LAMA2: variants seen among roughly 807,000 people sequenced by gnomAD.
LAMA2 encodes the protein laminin subunit alpha-2.
Under a neutral mutation model 364.8 loss-of-function variants are expected in LAMA2, and 269 were observed. The ratio of observed to expected loss-of-function variants is 0.74; its 90% CI spans 0.67 to 0.82. LAMA2 has a LOEUF of 0.82. Ranked by LOEUF, LAMA2 falls within the 40% of genes least tolerant of loss-of-function variation. The pLI, the probability that LAMA2 is intolerant of heterozygous loss-of-function variation, is 0.00. For missense variants in LAMA2, 3,807 were observed against 3,873.2 expected, an observed-to-expected ratio of 0.98 and a Z score of 0.45; for synonymous variants, 1,379 against 1,370.6, an observed-to-expected ratio of 1.01 and a Z score of -0.14.
intron 1 of LAMA2, among the ~76,000 whole-genome samples, chr6:128,996,975 A>G (rs751853788): frequency 3.2e-4 from 48 of 152,314 alleles, no homozygotes; most frequent in South Asian, 8.3e-4. Flanking sequence ...TGTCCTTTGC[A>G]GGGACATGGA....
At chr6:129,165,404 AAG>A (rs1779683918) in intron 8 of LAMA2, among the ~76,000 whole-genome samples, 170 bp from the exon 9 acceptor site, 1 of 152,176 alleles carries the variant, frequency 6.6e-6, no homozygotes, top group African/African-American at 2.4e-5. Context: ...AAGCATGTAA[AAG>A]AACTGGATTT....
chr6:129,104,601 T>G (rs1775715607), intron 4 of LAMA2, among the ~76,000 whole-genome samples: 1 of 152,228 alleles, frequency 6.6e-6, no homozygotes, highest in Non-Finnish European at 1.5e-5. Flanking sequence ...TTTCAGCCTC[T>G]GTATCCAAAC....
At chr6:129,374,744 A>ATT (rs33988321) in intron 34 of LAMA2, among the ~76,000 whole-genome samples, 3,092 of 137,300 alleles carry the variant, frequency 0.023, 93 homozygotes, top group African/African-American at 0.069. Flanking sequence ...TGCCCAGCTA[A>ATT]TTTTTTTTTT....
chr6:129,391,280 A>AC (rs1367770663), intron 35 of LAMA2, among the ~76,000 whole-genome samples: 3 of 151,756 alleles, frequency 2.0e-5, no homozygotes, highest in Non-Finnish European at 4.4e-5. Flanking sequence ...AATTGCTGTA[A>AC]CCCCCAAAAG....
At chr6:129,368,315 G>A (rs1777887431) in intron 33 of LAMA2, among the ~76,000 whole-genome samples, 1 of 152,196 alleles carries the variant, frequency 6.6e-6, no homozygotes, top group Non-Finnish European at 1.5e-5. Context: ...TGTGAGCAGA[G>A]GCAGTGGTGT....
At chr6:129,421,069 T>C (rs1781050169) in intron 40 of LAMA2, among the ~76,000 whole-genome samples, 1 of 152,182 alleles carries the variant, frequency 6.6e-6, no homozygotes, top group African/African-American at 2.4e-5. Flanking sequence ...GCAGTATGCT[T>C]TAGCAAGAGT....
chr6:129,395,238 T>A (rs1779546237), intron 37 of LAMA2, among the ~76,000 whole-genome samples: 1 of 152,204 alleles, frequency 6.6e-6, no homozygotes, highest in African/African-American at 2.4e-5. Flanking sequence ...AATAATAAGC[T>A]GCATTTTAAA....
At chr6:129,280,812 C>T (rs951479245) in intron 18 of LAMA2, among the ~76,000 whole-genome samples, 1 of 152,148 alleles carries the variant, frequency 6.6e-6, no homozygotes, top group Non-Finnish European at 1.5e-5. Context: ...CCCTTGACAT[C>T]ATTGCCAAAA....
intron 58 of LAMA2, among the ~76,000 whole-genome samples, chr6:129,498,012 C>CAAGT (rs2114874437): frequency 6.6e-6 from 1 of 152,184 alleles, no homozygotes; most frequent in East Asian, 1.9e-4. Context: ...GGCTGAACTT[C>CAAGT]AAGTATTACA....
intron 10 of LAMA2, among the ~76,000 whole-genome samples, chr6:129,181,262 A>G (rs1780907746): frequency 6.6e-6 from 1 of 152,162 alleles, no homozygotes; most frequent in Non-Finnish European, 1.5e-5. Flanking sequence ...ACACAAAAGG[A>G]AAATAACTAC....
chr6:129,409,679 C>T (rs879700556), intron 40 of LAMA2, among the ~76,000 whole-genome samples: 2 of 152,144 alleles, frequency 1.3e-5, no homozygotes, highest in Admixed American at 1.3e-4. Context: ...TAGAGGCTTC[C>T]ACCTCTAGGA....
chr6:129,039,259 A>T (rs1267277428), intron 1 of LAMA2, among the ~76,000 whole-genome samples: 1 of 152,240 alleles, frequency 6.6e-6, no homozygotes, highest in Non-Finnish European at 1.5e-5. Flanking sequence ...TATTTGAGCT[A>T]TGAAAGATGA....
intron 51 of LAMA2, among the ~76,000 whole-genome samples, chr6:129,466,950 C>A (rs1220434212): frequency 2.0e-5 from 3 of 151,754 alleles, no homozygotes; most frequent in Admixed American, 6.6e-5. Context: ...GTTTCTTTAG[C>A]AGCAGTTTGG....
At chr6:129,502,960 TG>T in intron 59 of LAMA2, 130 bp from the exon 60 acceptor site, 1 of 957,798 alleles carries the variant, frequency 1.0e-6, no homozygotes, top group East Asian at 2.5e-5. Context: ...ATCAGTAGCC[TG>T]ATAAAGTCCT....
chr6:129,017,006 A>G lies in LAMA2; in HGVS notation c.113-32912A>G, dbSNP rs6905693. ...ATTATGTTCAAATCGTATATACAGC[A>G]TATTTTTTATATATGTATCTAAAAT... On this transcript the variant is annotated intron_variant, in intron 1 of 64. Coordinates refer to ENST00000421865, the MANE Select transcript of LAMA2 (RefSeq NM_000426.4). Among the ~76,000 whole-genome samples the G allele has an allele frequency of 8.3e-3, 1,264 of 152,046 alleles. 27 individuals carry two copies. The highest frequency in any genetic ancestry group is 0.029 in the African/African-American group (1,189 of 41,542).
intron 12 of LAMA2, among the ~76,000 whole-genome samples, chr6:129,199,086 A>G (rs1189819209): frequency 2.0e-5 from 3 of 152,182 alleles, no homozygotes; most frequent in Non-Finnish European, 4.4e-5. Context: ...TCATGAACGT[A>G]GATGAAAATA....
chr6:129,210,392 G>A (rs999033344), intron 12 of LAMA2, among the ~76,000 whole-genome samples: 5 of 127,596 alleles, frequency 3.9e-5, no homozygotes, highest in Admixed American at 2.8e-4. Context: ...ACCGAACCAC[G>A]CATGTGCACG....
At chr6:129,108,681 AG>A (rs1407944065) in intron 4 of LAMA2, among the ~76,000 whole-genome samples, 2 of 152,184 alleles carry the variant, frequency 1.3e-5, no homozygotes, top group African/African-American at 4.8e-5. Flanking sequence ...GCAATACAGA[AG>A]ATCCACTGAC....
At chr6:129,314,617 G>A (rs372364695) in intron 23 of LAMA2, 38 bp from the exon 24 acceptor site, 1 of 1,608,072 alleles carries the variant, frequency 6.2e-7, no homozygotes, top group Non-Finnish European at 8.5e-7. Flanking sequence ...CCCTAACTTT[G>A]CCGTTATAAA....
Sources: allele counts gnomAD v4.1 joint callset (sites outside exome capture counted in the v4.1 genomes callset), GRCh38; gene constraint gnomAD v4.1.1; transcripts MANE v1.5; gene names NCBI Gene and HGNC (gene_info 2026-07-23, HGNC 2026-07-21).